Variants in TOGARAM2 observed in about 807,000 individuals in gnomAD.
TOGARAM2 encodes TOG array regulator of axonemal microtubules protein 2.
In TOGARAM2, 85 loss-of-function variants were observed where a neutral mutation model predicts 93.3. The ratio of observed to expected loss-of-function variants is 0.91; its 90% confidence interval spans 0.76 to 1.09. The LOEUF (loss-of-function observed/expected upper bound fraction) is 1.09, where lower values mean the gene tolerates loss of function less well. TOGARAM2 is among the 50% of genes least tolerant of loss of function. The pLI, the probability that TOGARAM2 is intolerant of heterozygous loss-of-function variation, is 0.00. For synonymous variants in TOGARAM2, 593 were observed against 552.8 expected (o/e 1.07, Z -1.02); for missense variants, 1,277 against 1,334.5 (o/e 0.96, Z 0.67).
At chr2:29,046,087 T>A (rs1245682155) in intron 19 of TOGARAM2, 1 of 156,214 alleles carries the variant, frequency 6.4e-6, no homozygotes, top group Admixed American at 6.2e-5. Context: ...TTTCAACCCC[T>A]CAGGACCCCT....
chr2:28,991,488 C>T (rs1356187001), intron 1 of TOGARAM2, among the ~76,000 whole-genome samples: 1 of 152,228 alleles, frequency 6.6e-6, no homozygotes, highest in African/African-American at 2.4e-5. Flanking sequence ...TTGGTGTGGG[C>T]TCTACTGTTC....
chr2:29,003,570 A>AAT lies in TOGARAM2; in HGVS notation c.718_719insAT (p.Ile240AsnfsTer33). The AAT allele has an allele frequency of 1.3e-6, 2 of 1,596,242 alleles. No individual in the cohort carries two copies. The highest frequency in any genetic ancestry group is 1.7e-6 in the Non-Finnish European group (2 of 1,172,296). ...CCTGGGCGCCATCGTGATCCCACCC[A>AAT]TCCCAAAGGCCAGGACGGTTGCAGC... On this transcript the variant is annotated frameshift_variant, in exon 6 of 20. Coordinates refer to ENST00000379558, the MANE Select transcript of TOGARAM2 (RefSeq NM_199280.4). LOFTEE classifies it high-confidence loss of function.
At chr2:29,032,800 G>T (rs370543897) in intron 14 of TOGARAM2, 134 bp from the exon 15 acceptor site, 1 of 656,000 alleles carries the variant, frequency 1.5e-6, no homozygotes, top group African/African-American at 1.8e-5. Context: ...TTTTTAACTG[G>T]GTAGGGATTG....
chr2:28,983,200 T>TATATATATATATATATA (rs1558400424), intron 1 of TOGARAM2, among the ~76,000 whole-genome samples: 3 of 21,264 alleles, frequency 1.4e-4, no homozygotes, highest in African/African-American at 5.0e-4. Context: ...ATATATATAT[T>TATATATATATATATATA]TTTTTTTTTT....
chr2:29,043,969 A>G (rs1184153695), intron 18 of TOGARAM2, among the ~76,000 whole-genome samples: 1 of 152,264 alleles, frequency 6.6e-6, no homozygotes, highest in African/African-American at 2.4e-5. Context: ...TGAAGGAGCC[A>G]GACAGCCAAT....
Position 29,024,262 on chromosome 2 carries a change from A to G in TOGARAM2, c.1741A>G (p.Met581Val), listed in dbSNP as rs1665178658. The change falls in exon 13 of 20, where the codon ATG (methionine) becomes GTG (valine). Residue 581 changes from methionine (M) to valine (V), a missense_variant. By Grantham distance (21) the Met-to-Val change is conservative. Transcript: ENST00000379558. The stretch of plus-strand genomic sequence containing the variant: ...GATCGCCCGCTGCTTGCTGCAGAAG[A>G]TGGCGGACACCAACGAGTTCATCCA... ...EEIARCLLQK[M>V]ADTNEFIQRA... The G allele has an allele frequency of 1.2e-6, 2 of 1,612,992 alleles. No individual in the cohort carries two copies. Among genetic ancestry groups the G allele is most frequent in the Non-Finnish European group, 1.7e-6 (2 of 1,179,542 alleles).
At chr2:28,983,520 A>G (rs968636040) in intron 1 of TOGARAM2, among the ~76,000 whole-genome samples, 2 of 151,798 alleles carry the variant, frequency 1.3e-5, no homozygotes, top group African/African-American at 2.4e-5. Flanking sequence ...GTAATATTCT[A>G]TGTTGTGAGT....
Position 29,029,711 on chromosome 2 carries a change from G to C in TOGARAM2, c.2012+2700G>C, listed in dbSNP as rs915041738. Among the ~76,000 whole-genome samples, 41 of 148,012 alleles carry C rather than the reference G, an allele frequency of 2.8e-4. No homozygotes were observed. In the East Asian group the frequency reaches 7.2e-3, roughly 26 times the overall value. ...GCGGAGCTTGCAGTGAACCGAGATC[G>C]CGCCACTGCACTCCAGCCTGGGCGA... On this transcript the variant is annotated intron_variant, in intron 14 of 19. Transcript: ENST00000379558.
chr2:29,008,006 G>T (rs1663993262), intron 6 of TOGARAM2, among the ~76,000 whole-genome samples: 1 of 151,632 alleles, frequency 6.6e-6, no homozygotes, highest in African/African-American at 2.4e-5. Context: ...GCAAGGAGGG[G>T]AAGTGGTCTT....
At chr2:29,038,272 T>A (rs1232121664) in intron 18 of TOGARAM2, among the ~76,000 whole-genome samples, 4 of 152,132 alleles carry the variant, frequency 2.6e-5, no homozygotes, top group African/African-American at 4.8e-5. Flanking sequence ...CCTCCTTGGG[T>A]ACGGCTGATA....
Position 29,036,745 on chromosome 2 carries a change from G to T in TOGARAM2, c.2623G>T (p.Val875Phe), listed in dbSNP as rs1229234487. Residue 875 changes from valine to phenylalanine, a missense_variant, in exon 18 of 20, where the codon GTT (valine) becomes TTT (phenylalanine). Coordinates refer to ENST00000379558, the MANE Select transcript of TOGARAM2 (RefSeq NM_199280.4). ...TGCCGTGGCTGTGCTGGATGCGATG[G>T]TTGAGAGCCTGGGTGAGTGTCCCAC... ...AAAVAVLDAM[V>F]ESLDNLCLLP... 6.2e-7 allele frequency: 1 copy of T among 1,613,014 alleles called. No homozygotes were observed. Among genetic ancestry groups the T allele is most frequent in the Admixed American group, 1.7e-5 (1 of 59,880 alleles).
chr2:29,020,871 G>T (rs1219981200), intron 10 of TOGARAM2, among the ~76,000 whole-genome samples: 1 of 152,150 alleles, frequency 6.6e-6, no homozygotes, highest in African/African-American at 2.4e-5. Context: ...TGCTGAAAAA[G>T]AGTCCAAGAG....
intron 18 of TOGARAM2, among the ~76,000 whole-genome samples, chr2:29,037,445 T>C (rs2148381622): frequency 6.6e-6 from 1 of 152,330 alleles, no homozygotes; most frequent in Non-Finnish European, 1.5e-5. Flanking sequence ...GAGGAAGCCA[T>C]GGTCTGAAAA....
Position 29,002,624 on chromosome 2 carries a change from C to T in TOGARAM2, c.516C>T (p.Pro172=). The stretch of plus-strand genomic sequence containing the variant: ...CCTCTCAGAGGCTGCTGAGGGTGCC[C>T]AGGCCGATGCCTCTCATCCAGAGCA... ...RATSQRLLRV[P]RPMPLIQSIP... The change falls in exon 5 of 20, where the codon CCC becomes CCT. Residue 172 remains proline (P), a synonymous_variant. Transcript: ENST00000379558. 1 of 1,613,940 alleles carries T rather than the reference C, an allele frequency of 6.2e-7. No individual in the cohort carries two copies. The highest frequency in any genetic ancestry group is 1.1e-5 in the South Asian group (1 of 91,062).
Position 29,045,376 on chromosome 2 carries a change from C to A in TOGARAM2, c.2688C>A (p.Gly896=). The A allele has an allele frequency of 6.2e-7, 1 of 1,613,714 alleles. No individual in the cohort carries two copies. Among genetic ancestry groups the A allele is most frequent in the Non-Finnish European group, 8.5e-7 (1 of 1,179,872 alleles). ...ALAGRVRFLS[G]RAVLDVTDRL... ...CTGGGCGAGTGCGTTTCCTGAGTGG[C>A]CGTGCGGTGCTGGATGTCACAGATC... is the stretch of plus-strand genomic sequence containing the variant. Residue 896 remains glycine (G), a synonymous_variant, in exon 19 of 20, where the codon GGC becomes GGA. Coordinates refer to ENST00000379558, the MANE Select transcript of TOGARAM2 (RefSeq NM_199280.4).
At chr2:28,986,824 T>C (rs1672490994) in intron 1 of TOGARAM2, among the ~76,000 whole-genome samples, 1 of 152,258 alleles carries the variant, frequency 6.6e-6, no homozygotes, top group African/African-American at 2.4e-5. Flanking sequence ...GATCGAGCCC[T>C]TGGGCCCAAT....
upstream of TOGARAM2, among the ~76,000 whole-genome samples, chr2:28,976,485 A>G (rs961200684): frequency 3.3e-5 from 5 of 152,110 alleles, no homozygotes; most frequent in Admixed American, 2.0e-4. Flanking sequence ...CCATCTCTCG[A>G]GCTTTCCTGT....
chr2:28,984,410 G>T (rs1251542905), intron 1 of TOGARAM2, among the ~76,000 whole-genome samples: 1 of 152,194 alleles, frequency 6.6e-6, no homozygotes, highest in Admixed American at 6.5e-5. Context: ...TGAGCTTCTT[G>T]CAGGGAGGCC....
At chr2:29,018,466 A>ATGT (rs1664730929) in intron 10 of TOGARAM2, 1 of 127,426 alleles carries the variant, frequency 7.8e-6, no homozygotes, top group East Asian at 2.6e-4. Context: ...AGGAGCTTCT[A>ATGT]TGTTGCCTCA....
Sources: gnomAD v4.1 joint callset for allele counts (sites outside exome capture counted in the v4.1 genomes callset) on GRCh38, gnomAD v4.1.1 for gene constraint, MANE v1.5 for transcripts, NCBI Gene and HGNC (gene_info 2026-07-23, HGNC 2026-07-21) for gene names.